Variants in NBEAL1 observed in about 807,000 individuals in gnomAD.
The protein encoded by NBEAL1 is neurobeachin like 1.
In NBEAL1, 273 loss-of-function variants were observed where a neutral mutation model predicts 351.3. The ratio of observed to expected loss-of-function variants is 0.78; its 90% CI spans 0.70 to 0.86. The LOEUF (loss-of-function observed/expected upper bound fraction) is 0.86, where lower values mean the gene tolerates loss of function less well. Among genes scored for constraint, NBEAL1 ranks in the 40% least tolerant of loss-of-function variants. The pLI, the probability that NBEAL1 is intolerant of heterozygous loss-of-function variation, is 0.00. For synonymous variants in NBEAL1, 1,050 were observed against 1,086.4 expected (o/e 0.97, Z 0.66); for missense variants, 2,961 against 3,201.3 (o/e 0.92, Z 1.81).
chr2:203,171,594 G>T (rs1327032996), intron 39 of NBEAL1, among the ~76,000 whole-genome samples: 2 of 151,726 alleles, frequency 1.3e-5, no homozygotes, highest in Non-Finnish European at 2.9e-5. Context: ...GACAAAGTGA[G>T]ACCATTTCTC....
chr2:203,200,822 A>C (rs1464971147), intron 49 of NBEAL1, among the ~76,000 whole-genome samples: 1 of 152,258 alleles, frequency 6.6e-6, no homozygotes, highest in Non-Finnish European at 1.5e-5. Context: ...CCTCAACTAG[A>C]ATACAACTTC....
At chr2:203,020,670 CAAAAAAA>C (rs201438851) in intron 2 of NBEAL1, among the ~76,000 whole-genome samples, 5 of 58,992 alleles carry the variant, frequency 8.5e-5, no homozygotes, top group Admixed American at 1.9e-4. Flanking sequence ...GACTCTGTCT[CAAAAAAA>C]AAAAAAAAAA....
intron 12 of NBEAL1, among the ~76,000 whole-genome samples, chr2:203,101,676 A>G (rs1404672250): frequency 6.6e-6 from 1 of 151,934 alleles, no homozygotes; most frequent in African/African-American, 2.4e-5. Flanking sequence ...GCTCACTGCA[A>G]CCTCCATCTT....
chr2:203,161,065 C>T (rs190087593), intron 36 of NBEAL1, among the ~76,000 whole-genome samples: 5 of 152,244 alleles, frequency 3.3e-5, no homozygotes, highest in East Asian at 1.9e-4. Context: ...CGGTGGCTTA[C>T]GCCTGTAATC....
At chr2:203,051,599 T>C (rs1036205947) in intron 4 of NBEAL1, among the ~76,000 whole-genome samples, 1 of 151,944 alleles carries the variant, frequency 6.6e-6, no homozygotes, top group Admixed American at 6.6e-5. Flanking sequence ...AAGACATAAG[T>C]TGACCTCTGA....
Position 203,119,424 on chromosome 2 carries a change from C to CTTTTTTTTTTTTTTT in NBEAL1, c.2593-2824_2593-2810dup, listed in dbSNP as rs57126638. ...GTGAGCCACTGCATACGGCCTGTTG[C>CTTTTTTTTTTTTTTT]TTTTTTTTTTTTTTTTTTTTGAGAC... On this transcript the variant is annotated intron_variant, in intron 18 of 55. Transcript: ENST00000683969. Among the ~76,000 whole-genome samples, 36 of 66,664 alleles carry CTTTTTTTTTTTTTTT rather than the reference C, an allele frequency of 5.4e-4. 10 individuals carry two copies. The highest frequency in any genetic ancestry group is 6.8e-4 in the Non-Finnish European group (26 of 38,050). 43.7% of individuals were successfully genotyped at this position (66,664 alleles called of 152,430 possible).
intron 17 of NBEAL1, 98 bp from the exon 18 acceptor site, chr2:203,115,887 G>A: frequency 1.3e-6 from 1 of 745,622 alleles, no homozygotes. Flanking sequence ...TGTTTGAGTA[G>A]CTTGAAACAG....
At position 203,107,617 on chromosome 2, in the gene NBEAL1, G is replaced by A. The variant is rs1485201369; in HGVS notation, c.1378G>A (p.Gly460Ser). ...TTATGTTGCTTTTCAGGCTGTAGAG[G>A]GTGACCACACTTCAGTTGGGATTTT... ...LKELMNMAVE[G>S]DHTSVGILGI... The change falls in exon 14 of 56, where the codon GGT (glycine) becomes AGT (serine). Residue 460 changes from glycine (G) to serine (S), a missense_variant. Coordinates refer to ENST00000683969, the MANE Select transcript of NBEAL1 (RefSeq NM_001378026.1). 6.4e-7 allele frequency: 1 copy of A among 1,551,384 alleles called. No homozygotes were observed. The highest frequency in any genetic ancestry group is 1.4e-5 in the African/African-American group (1 of 73,000).
chr2:203,081,684 T>A (rs979737706), intron 8 of NBEAL1, among the ~76,000 whole-genome samples: 1 of 152,240 alleles, frequency 6.6e-6, no homozygotes, highest in African/African-American at 2.4e-5. Context: ...TCTGTCATGC[T>A]TACTATTCTA....
At position 203,050,025 on chromosome 2, in the gene NBEAL1, A is replaced by G. The variant is rs1249550943; in HGVS notation, c.305+50A>G. 5 of 1,501,588 alleles carry G rather than the reference A, an allele frequency of 3.3e-6. No homozygotes were observed. The African/African-American group carries it at 6.9e-5, about 21-fold the overall frequency. 93.0% of individuals were successfully genotyped at this position (1,501,588 alleles called of 1,614,324 possible). A position where few individuals can be genotyped will look rare whatever the true frequency, so the allele number is the denominator to read the frequency against. On this transcript the variant is annotated intron_variant, in intron 4 of 55. Coordinates refer to ENST00000683969, the MANE Select transcript of NBEAL1 (RefSeq NM_001378026.1). ...GTTTTCACTCATAGGTGGGAGTTGA[A>G]CAATGAGAACACATGGAGATGAGGA...
chr2:203,040,851 T>A, intron 2 of NBEAL1: 1 of 450,664 alleles, frequency 2.2e-6, no homozygotes, highest in Non-Finnish European at 4.3e-6. Flanking sequence ...TGGGCTCACA[T>A]GGCTATCGGG....
rs1463493980 is a variant in NBEAL1 at position 203,123,766 on chromosome 2, T to C, written c.2682+1423T>C. 4.6e-5 allele frequency among the ~76,000 whole-genome samples: 7 copies of C among 152,370 alleles called. No individual in the cohort carries two copies. The East Asian group carries it at 1.2e-3, about 25-fold the overall frequency. On this transcript the variant is annotated intron_variant, in intron 19 of 55. Coordinates refer to ENST00000683969, the MANE Select transcript of NBEAL1 (RefSeq NM_001378026.1). ...ATGTGGTATTTTATATATAGAAATC[T>C]GTTTATATGTACCATACATACCTGA...
At chr2:203,065,945 A>G (rs1374488046) in intron 6 of NBEAL1, among the ~76,000 whole-genome samples, 4 of 152,204 alleles carry the variant, frequency 2.6e-5, no homozygotes, top group African/African-American at 7.2e-5. Flanking sequence ...ATGGTATAAG[A>G]CTAAAGTTCA....
At chr2:203,050,096 G>C in intron 4 of NBEAL1, 121 bp downstream of exon 4, 1 of 877,412 alleles carries the variant, frequency 1.1e-6, no homozygotes, top group Non-Finnish European at 1.7e-6. Context: ...GGTGCTAGGA[G>C]AGGGATAACA....
Position 203,172,692 on chromosome 2 carries a change from G to A in NBEAL1, c.6199-37G>A, listed in dbSNP as rs184807364. On this transcript the variant is annotated intron_variant, in intron 40 of 55. Transcript: ENST00000683969. ...GATATGAGGATATTAGCTTCTCTAGGAAGGAATGTCTAAATTGTAAATTAT... is the reference window on the plus strand; with the variant it reads ...GATATGAGGATATTAGCTTCTCTAGAAAGGAATGTCTAAATTGTAAATTAT... 1.0e-4 allele frequency: 157 copies of A among 1,577,310 alleles called. No individual in the cohort carries two copies. The African/African-American group carries it at 1.9e-3, about 20-fold the overall frequency.
At chr2:203,093,145 T>A (rs1030051368) in intron 10 of NBEAL1, among the ~76,000 whole-genome samples, 1 of 138,414 alleles carries the variant, frequency 7.2e-6, no homozygotes, top group Non-Finnish European at 1.5e-5. Flanking sequence ...GGCAGGAGAA[T>A]CACTTGAACC....
At position 203,058,903 on chromosome 2, in the gene NBEAL1, A is replaced by G. The variant is rs139765919; in HGVS notation, c.515+1450A>G. On this transcript the variant is annotated intron_variant, in intron 6 of 55. Coordinates refer to ENST00000683969, the MANE Select transcript of NBEAL1 (RefSeq NM_001378026.1). The stretch of plus-strand genomic sequence containing the variant: ...TCAAAGAGAAGAATTTTAAAGTCAC[A>G]TATCATTCTTACCTGTGGGCACAGA... 7.2e-5 allele frequency among the ~76,000 whole-genome samples: 11 copies of G among 152,330 alleles called. No homozygotes were observed. The East Asian group carries it at 2.1e-3, about 29-fold the overall frequency.
At chr2:203,167,161 G>T (rs1040249272) in intron 37 of NBEAL1, 66 bp from the exon 38 acceptor site, 2 of 1,441,328 alleles carry the variant, frequency 1.4e-6, no homozygotes, top group African/African-American at 2.9e-5. Flanking sequence ...GAACTAAGAG[G>T]TATTTTCTAC....
chr2:203,113,183 A>G lies in NBEAL1; in HGVS notation c.2371A>G (p.Ile791Val). 1 of 1,551,852 alleles carries G rather than the reference A, an allele frequency of 6.4e-7. No homozygotes were observed. The highest frequency in any genetic ancestry group is 8.7e-7 in the Non-Finnish European group (1 of 1,146,884). ...WGGTIEKSKL[I>V]TKLISAGTQD... ...AGGAACAATTGAAAAATCAAAATTG[A>G]TTACCAAATTGATATCAGCTGGAAC... The change falls in exon 17 of 56, where the codon ATT becomes GTT. Residue 791 changes from isoleucine (I) to valine (V), a missense_variant. Ile to Val is a conservative substitution (Grantham distance 29). Transcript: ENST00000683969.
Sources: allele counts gnomAD v4.1 joint callset (sites outside exome capture counted in the v4.1 genomes callset), GRCh38; gene constraint gnomAD v4.1.1; transcripts MANE v1.5; gene names NCBI Gene and HGNC (gene_info 2026-07-23, HGNC 2026-07-21).